METTL15: variants seen among roughly 807,000 people sequenced by gnomAD.
METTL15 encodes the protein 12S rRNA N(4)-cytidine methyltransferase METTL15.
METTL15 carries 34 observed loss-of-function variants against 38.3 expected under a neutral mutation model. That is an observed-to-expected ratio of 0.89 (90% CI 0.68 to 1.18). The LOEUF (loss-of-function observed/expected upper bound fraction) is 1.18. METTL15 is among the 50% of genes most tolerant of loss of function. The pLI, the probability that METTL15 is intolerant of heterozygous loss-of-function variation, is 0.00. For synonymous variants in METTL15, 162 were observed against 170.9 expected (o/e 0.95, Z 0.41); for missense variants, 438 against 498.4 (o/e 0.88, Z 1.15).
downstream of METTL15, among the ~76,000 whole-genome samples, chr11:28,529,961 T>TA (rs1319260005): frequency 6.6e-6 from 1 of 152,118 alleles, no homozygotes; most frequent in Non-Finnish European, 1.5e-5. Context: ...AATATGGGGA[T>TA]AAAAGGCAAG....
chr11:28,363,819 T>C (rs1255916219), intron 5 of METTL15, among the ~76,000 whole-genome samples: 1 of 152,238 alleles, frequency 6.6e-6, no homozygotes, highest in Non-Finnish European at 1.5e-5. Flanking sequence ...GTTTGAGGTT[T>C]TAGATTTAAA....
At chr11:28,117,259 G>GTGTA (rs1353342377) in intron 3 of METTL15, among the ~76,000 whole-genome samples, 5 of 108,586 alleles carry the variant, frequency 4.6e-5, no homozygotes, top group African/African-American at 1.1e-4. Context: ...GTGTGTGTGT[G>GTGTA]TATATATATA....
intron 4 of METTL15, among the ~76,000 whole-genome samples, chr11:28,239,817 T>G (rs1295183072): frequency 6.6e-6 from 1 of 152,238 alleles, no homozygotes; most frequent in African/African-American, 2.4e-5. Flanking sequence ...ACAAGTCAAC[T>G]GTAGTATTTT....
intron 6 of METTL15, among the ~76,000 whole-genome samples, chr11:28,315,230 C>A (rs1009658525): frequency 1.3e-5 from 2 of 152,094 alleles, no homozygotes; most frequent in African/African-American, 4.8e-5. Flanking sequence ...TTGCCCAAAA[C>A]GCTGATTGAG....
chr11:28,431,811 A>G (rs868549696), intron 6 of METTL15, among the ~76,000 whole-genome samples: 3 of 37,286 alleles, frequency 8.0e-5, no homozygotes, highest in African/African-American at 1.0e-4. Context: ...AAAAAAAGAA[A>G]AAAAAAAAAA....
At chr11:28,168,314 A>G (rs1850727263) in intron 3 of METTL15, among the ~76,000 whole-genome samples, 1 of 152,028 alleles carries the variant, frequency 6.6e-6, no homozygotes, top group South Asian at 2.1e-4. Flanking sequence ...TTAGCAAGTA[A>G]GCAATTACTG....
chr11:28,201,301 T>A (rs1455066564), intron 3 of METTL15, among the ~76,000 whole-genome samples: 1 of 152,140 alleles, frequency 6.6e-6, no homozygotes, highest in African/African-American at 2.4e-5. Flanking sequence ...GCCAGTATTT[T>A]ATTGAGGATT....
intron 5 of METTL15, among the ~76,000 whole-genome samples, chr11:28,391,459 A>G (rs1850506852): frequency 6.6e-6 from 1 of 152,106 alleles, no homozygotes; most frequent in African/African-American, 2.4e-5. Flanking sequence ...AATTTTGTCA[A>G]AGACCTTTTC....
chr11:28,188,267 C>T (rs1466193770), intron 3 of METTL15, among the ~76,000 whole-genome samples: 1 of 151,218 alleles, frequency 6.6e-6, no homozygotes, highest in Admixed American at 6.6e-5. Context: ...AAAATTCAAA[C>T]ATATCAAACA....
intron 6 of METTL15, among the ~76,000 whole-genome samples, chr11:28,490,990 A>G (rs553284711): frequency 5.4e-4 from 82 of 152,306 alleles, no homozygotes; most frequent in African/African-American, 1.9e-3. Context: ...AGTTTAGCAA[A>G]AGTAATTTCC....
chr11:28,443,663 G>C (rs1391650849), intron 6 of METTL15, among the ~76,000 whole-genome samples: 1 of 152,082 alleles, frequency 6.6e-6, no homozygotes, highest in Admixed American at 6.5e-5. Flanking sequence ...GACATCTCCA[G>C]TTGCTTAGGC....
At chr11:28,496,070 A>G (rs1483839730) in intron 6 of METTL15, among the ~76,000 whole-genome samples, 1 of 152,206 alleles carries the variant, frequency 6.6e-6, no homozygotes, top group African/African-American at 2.4e-5. Flanking sequence ...AATATGCTGC[A>G]AAAATAAATG....
chr11:28,357,384 C>A (rs1850099274), intron 4 of METTL15, among the ~76,000 whole-genome samples: 1 of 152,128 alleles, frequency 6.6e-6, no homozygotes, highest in South Asian at 2.1e-4. Context: ...TCTTTCTTTT[C>A]CACCTAGTTT....
At chr11:28,437,352 C>A (rs1850992400) in intron 6 of METTL15, among the ~76,000 whole-genome samples, 1 of 152,140 alleles carries the variant, frequency 6.6e-6, no homozygotes, top group Non-Finnish European at 1.5e-5. Context: ...TAGCATGATG[C>A]CTGACAAATA....
At chr11:28,393,228 G>A (rs1037875393) in intron 5 of METTL15, among the ~76,000 whole-genome samples, 2 of 152,200 alleles carry the variant, frequency 1.3e-5, no homozygotes, top group South Asian at 4.1e-4. Flanking sequence ...ACACACTCTT[G>A]CTCATTGCAG....
chr11:28,478,336 G>T (rs551132654), intron 6 of METTL15, among the ~76,000 whole-genome samples: 5 of 152,246 alleles, frequency 3.3e-5, no homozygotes, highest in African/African-American at 1.2e-4. Flanking sequence ...CACAGAGATG[G>T]TGATTATGAG....
chr11:28,218,239 C>T (rs531305699), intron 4 of METTL15, among the ~76,000 whole-genome samples: 5 of 151,922 alleles, frequency 3.3e-5, no homozygotes, highest in African/African-American at 1.2e-4. Context: ...TTCCTTGAGC[C>T]GTGGTTTGTA....
chr11:28,320,854 A>C (rs1340619236), intron 6 of METTL15, among the ~76,000 whole-genome samples: 1 of 152,150 alleles, frequency 6.6e-6, no homozygotes, highest in Non-Finnish European at 1.5e-5. Context: ...AATTTTTTTC[A>C]TACTTAAGTC....
chr11:28,302,819 C>T (rs1856958148), intron 6 of METTL15, among the ~76,000 whole-genome samples: 2 of 152,132 alleles, frequency 1.3e-5, no homozygotes, highest in Admixed American at 1.3e-4. Context: ...TATTAATTCC[C>T]ATCTTATTCT....
Sources: allele counts gnomAD v4.1 joint callset (sites outside exome capture counted in the v4.1 genomes callset), GRCh38; gene constraint gnomAD v4.1.1; transcripts MANE v1.5; gene names NCBI Gene and HGNC (gene_info 2026-07-23, HGNC 2026-07-21).